The following GABRB2 variants were observed in gnomAD, a reference collection of about 807,000 sequenced individuals.
The protein encoded by GABRB2 is gamma-aminobutyric acid receptor subunit beta-2.
A neutral mutation model predicts 54.7 loss-of-function variants in GABRB2; 16 were observed. The observed-to-expected ratio is 0.29, with a 90% CI of 0.20 to 0.44. GABRB2 has a LOEUF of 0.44. Ranked by LOEUF, GABRB2 falls within the 20% of genes least tolerant of loss-of-function variation. GABRB2 has a pLI of 1.00. For missense variants in GABRB2, 355 were observed against 644.0 expected (o/e 0.55, Z 4.86); for synonymous variants, 244 against 233.8 (o/e 1.04, Z -0.40).
At chr5:161,307,684 G>A (rs1451253828) in intron 9 of GABRB2, among the ~76,000 whole-genome samples, 1 of 152,048 alleles carries the variant, frequency 6.6e-6, no homozygotes, top group East Asian at 1.9e-4. Flanking sequence ...TCTTTTTGGT[G>A]AGATAAGATA....
chr5:161,357,126 T>C (rs1580912360), intron 5 of GABRB2, among the ~76,000 whole-genome samples: 1 of 152,032 alleles, frequency 6.6e-6, no homozygotes, highest in East Asian at 1.9e-4. Context: ...TTTGGACAAA[T>C]GAAAAAGTAG....
chr5:161,463,478 A>G (rs1249345307), intron 3 of GABRB2, among the ~76,000 whole-genome samples: 4 of 145,626 alleles, frequency 2.7e-5, no homozygotes. Flanking sequence ...TTTAATCTCA[A>G]ATGTTATTCA....
chr5:161,543,004 G>T (rs1760866116), intron 3 of GABRB2, among the ~76,000 whole-genome samples: 2 of 152,158 alleles, frequency 1.3e-5, no homozygotes, highest in Admixed American at 6.5e-5. Context: ...GGTTATTAAG[G>T]TTGGAAGCTG....
At chr5:161,386,867 T>A (rs1235358305) in intron 5 of GABRB2, among the ~76,000 whole-genome samples, 3 of 150,522 alleles carry the variant, frequency 2.0e-5, no homozygotes, top group Admixed American at 2.0e-4. Flanking sequence ...CAAAACATCA[T>A]AAGAGAAACA....
At chr5:161,366,158 G>A (rs992453055) in intron 5 of GABRB2, among the ~76,000 whole-genome samples, 7 of 151,592 alleles carry the variant, frequency 4.6e-5, no homozygotes, top group African/African-American at 1.7e-4. Context: ...AAGTAACCTA[G>A]ATTCTACAGA....
intron 4 of GABRB2, among the ~76,000 whole-genome samples, chr5:161,429,719 C>A (rs186566131): frequency 6.6e-6 from 1 of 152,216 alleles, no homozygotes; most frequent in African/African-American, 2.4e-5. Context: ...ATAATACACA[C>A]AGAATGCTAA....
In GABRB2 at chr5:161,491,421, G is replaced by A. The variant is rs554042757; in HGVS notation, c.238-31577C>T. On this transcript the variant is annotated intron_variant, in intron 3 of 9. Transcript: ENST00000393959. ...CATGTTCTCGATTTAAAACTTCTCA[G>A]ATGCAAATACAATTTATGGGAATTA... 3.3e-5 allele frequency among the ~76,000 whole-genome samples: 5 copies of A among 151,678 alleles called. No individual in the cohort carries two copies. In the South Asian group the frequency reaches 8.3e-4, roughly 25 times the overall value.
chr5:161,526,296 CT>C (rs1337580579), intron 3 of GABRB2, among the ~76,000 whole-genome samples: 5 of 151,294 alleles, frequency 3.3e-5, no homozygotes, highest in African/African-American at 1.2e-4. Context: ...AGTGGGAGAG[CT>C]TTTGTGACCC....
intron 4 of GABRB2, among the ~76,000 whole-genome samples, chr5:161,444,040 G>GA (rs1170826402): frequency 7.2e-5 from 11 of 152,084 alleles, no homozygotes; most frequent in Non-Finnish European, 1.5e-4. Flanking sequence ...TTCCCAAAGG[G>GA]AAAATCAATG....
chr5:161,457,087 T>C (rs1002871878), intron 4 of GABRB2, among the ~76,000 whole-genome samples: 3 of 152,212 alleles, frequency 2.0e-5, no homozygotes, highest in East Asian at 3.8e-4. Context: ...TATTTGCCCA[T>C]TGAAGCTGGA....
intron 5 of GABRB2, among the ~76,000 whole-genome samples, chr5:161,403,870 A>G (rs974241712): frequency 6.6e-6 from 1 of 152,184 alleles, no homozygotes; most frequent in Non-Finnish European, 1.5e-5. Context: ...CAGGAGACCA[A>G]CAATCTATTT....
chr5:161,546,260 G>T, intron 2 of GABRB2, 62 bp downstream of exon 2: 1 of 1,333,362 alleles, frequency 7.5e-7, no homozygotes, highest in Non-Finnish European at 1.1e-6. Flanking sequence ...AAGAGAGCGC[G>T]CACAAAGCTC....
intron 4 of GABRB2, among the ~76,000 whole-genome samples, chr5:161,450,745 T>G (rs1187052277): frequency 6.6e-6 from 1 of 152,170 alleles, no homozygotes; most frequent in African/African-American, 2.4e-5. Context: ...TATCAGAAAT[T>G]AATTCTAAAT....
chr5:161,546,597 G>T lies in GABRB2; in HGVS notation c.47C>A (p.Pro16His), dbSNP rs1361431036. The stretch of plus-strand genomic sequence containing the variant: ...CGCACAGACAGCGGCGATTATTAAG[G>T]GGAAGGACCAAATCCCAAAGTAGCC... ...KRGYFGIWSF[P>H]LIIAAVCAQS... The change falls in exon 1 of 10, where the codon CCC becomes CAC. Residue 16 changes from proline (P) to histidine (H), a missense_variant. Transcript: ENST00000393959. 6.2e-7 allele frequency: 1 copy of T among 1,601,222 alleles called. No individual in the cohort carries two copies. The highest frequency in any genetic ancestry group is 2.2e-5 in the East Asian group (1 of 44,652).
intron 4 of GABRB2, among the ~76,000 whole-genome samples, chr5:161,421,697 G>T (rs78769497): frequency 9.7e-4 from 147 of 152,138 alleles, no homozygotes; most frequent in African/African-American, 3.3e-3. Context: ...CCAGAAAATA[G>T]CAATTAAACA....
intron 5 of GABRB2, among the ~76,000 whole-genome samples, chr5:161,376,149 G>C (rs1301309247): frequency 6.6e-6 from 1 of 152,080 alleles, no homozygotes; most frequent in Non-Finnish European, 1.5e-5. Flanking sequence ...TCTAAAATCT[G>C]AAATCATGCA....
At chr5:161,399,567 T>G (rs1333618564) in intron 5 of GABRB2, among the ~76,000 whole-genome samples, 2 of 152,186 alleles carry the variant, frequency 1.3e-5, no homozygotes, top group East Asian at 3.9e-4. Context: ...AGTGGCTGCC[T>G]TGGCAATACA....
At chr5:161,373,630 C>T (rs1174088387) in intron 5 of GABRB2, among the ~76,000 whole-genome samples, 1 of 152,148 alleles carries the variant, frequency 6.6e-6, no homozygotes, top group East Asian at 1.9e-4. Context: ...GTATTGAGGA[C>T]TGTTCTAAAC....
intron 5 of GABRB2, among the ~76,000 whole-genome samples, chr5:161,410,377 G>A (rs1044732816): frequency 1.6e-5 from 2 of 124,600 alleles, no homozygotes; most frequent in African/African-American, 6.2e-5. Flanking sequence ...AGTCAGCACA[G>A]TAAACAGAAT....
Sources: gnomAD v4.1 joint callset for allele counts (sites outside exome capture counted in the v4.1 genomes callset) on GRCh38, gnomAD v4.1.1 for gene constraint, MANE v1.5 for transcripts, NCBI Gene and HGNC (gene_info 2026-07-23, HGNC 2026-07-21) for gene names.